ATP6V0A4: variants seen among roughly 807,000 people sequenced by gnomAD.
ATP6V0A4 encodes the protein V-type proton ATPase 116 kDa subunit a 4.
Under a neutral mutation model 107.3 loss-of-function variants are expected in ATP6V0A4, and 86 were observed. The observed-to-expected ratio is 0.80, with a 90% confidence interval of 0.67 to 0.96. The LOEUF (loss-of-function observed/expected upper bound fraction) is 0.96, where lower values mean the gene tolerates loss of function less well. Among genes scored for constraint, ATP6V0A4 ranks in the 40% least tolerant of loss-of-function variants. ATP6V0A4 has a pLI of 0.00. For missense variants in ATP6V0A4, 908 were observed against 1,045.6 expected (o/e 0.87, Z 1.81); for synonymous variants, 353 against 381.4 (o/e 0.93, Z 0.87).
chr7:138,707,066 A>ATCTGTGTGTGTGTGTG (rs1178080469), intron 21 of ATP6V0A4, among the ~76,000 whole-genome samples: 1 of 51,124 alleles, frequency 2.0e-5, no homozygotes, highest in East Asian at 5.4e-4. Context: ...TAGCTAATTT[A>ATCTGTGTGTGTGTGTG]TATGTGTGTG....
Position 138,734,152 on chromosome 7 carries a change from T to C in ATP6V0A4, c.1675A>G (p.Ser559Gly), listed in dbSNP as rs369486474. ...GAAACTTACATGTGATTGAAAAGGC[T>C]GAGGATGACACCGAAAACCATCTGG... ...IVQMVFGVIL[S>G]LFNHIYFRRT... The change falls in exon 16 of 22, where the codon AGC becomes GGC. Residue 559 changes from serine (S) to glycine (G), a missense_variant. By Grantham distance (56) the Ser-to-Gly change is moderately conservative. Coordinates refer to ENST00000310018, the MANE Select transcript of ATP6V0A4 (RefSeq NM_020632.3). 1.2e-6 allele frequency: 2 copies of C among 1,612,842 alleles called. No homozygotes were observed. The highest frequency in any genetic ancestry group is 1.7e-6 in the Non-Finnish European group (2 of 1,178,888).
At chr7:138,723,523 C>CTTTTTTT (rs10528520) in intron 18 of ATP6V0A4, among the ~76,000 whole-genome samples, 67 of 128,238 alleles carry the variant, frequency 5.2e-4, no homozygotes, top group Non-Finnish European at 8.3e-4. Flanking sequence ...TCTTTCTTTT[C>CTTTTTTT]TTTTTTTTTT....
At chr7:138,718,582 G>GGAGGAATGGA (rs1804250420) in intron 19 of ATP6V0A4, among the ~76,000 whole-genome samples, 1 of 71,604 alleles carries the variant, frequency 1.4e-5, no homozygotes, top group Non-Finnish European at 2.6e-5. Flanking sequence ...AGAGGCATGG[G>GGAGGAATGGA]GCGGAATGGG....
intron 2 of ATP6V0A4, among the ~76,000 whole-genome samples, chr7:138,780,864 C>G (rs976017267): frequency 2.6e-5 from 4 of 151,812 alleles, no homozygotes; most frequent in Non-Finnish European, 5.9e-5. Flanking sequence ...GAGATCATGC[C>G]TCTGCACTCC....
chr7:138,762,655 T>A (rs1806882653), intron 6 of ATP6V0A4, among the ~76,000 whole-genome samples: 1 of 152,208 alleles, frequency 6.6e-6, no homozygotes. Context: ...TGCTTGGTTC[T>A]GACTTCTCTT....
chr7:138,781,159 T>G (rs1382085117), intron 2 of ATP6V0A4, among the ~76,000 whole-genome samples: 1 of 152,190 alleles, frequency 6.6e-6, no homozygotes, highest in African/African-American at 2.4e-5. Flanking sequence ...GCTAGAGAGT[T>G]GATATTCCCC....
chr7:138,778,718 C>G (rs532977925), intron 2 of ATP6V0A4, among the ~76,000 whole-genome samples: 1 of 152,240 alleles, frequency 6.6e-6, no homozygotes, highest in South Asian at 2.1e-4. Flanking sequence ...GCCCCCCACC[C>G]CATTGCCAGC....
chr7:138,759,775 C>A lies in ATP6V0A4; in HGVS notation c.616G>T (p.Ala206Ser), dbSNP rs769738882. The A allele has an allele frequency of 2.5e-6, 4 of 1,614,010 alleles. No individual in the cohort carries two copies. The Admixed American group carries it at 5.0e-5, about 20-fold the overall frequency. Residue 206 changes from alanine to serine, a missense_variant, in exon 8 of 22, where the codon GCC becomes TCC. By Grantham distance (99) the Ala-to-Ser change is moderately conservative. Coordinates refer to ENST00000310018, the MANE Select transcript of ATP6V0A4 (RefSeq NM_020632.3). ...ACCGTCACAGGATCCTCCAGAGGGG[C>A]GTCCATCTCACTGAACTTCAAGTAC... ...NVYLKFSEMDAPLEDPVTKEE... is the reference protein window; with the variant it reads ...NVYLKFSEMDSPLEDPVTKEE...
At chr7:138,712,877 A>G (rs1191879997) in intron 20 of ATP6V0A4, among the ~76,000 whole-genome samples, 1 of 152,186 alleles carries the variant, frequency 6.6e-6, no homozygotes, top group Non-Finnish European at 1.5e-5. Context: ...TGCTGGGGTT[A>G]GAGCTGAAGA....
Position 138,755,711 on chromosome 7 carries a change from A to T in ATP6V0A4, c.794T>A (p.Val265Glu). 1.9e-6 allele frequency: 3 copies of T among 1,613,908 alleles called. No homozygotes were observed. The highest frequency in any genetic ancestry group is 2.5e-6 in the Non-Finnish European group (3 of 1,180,024). The change falls in exon 10 of 22, where the codon GTG (valine) becomes GAG (glutamate). Residue 265 changes from valine (V) to glutamate (E), a missense_variant. Val to Glu is a moderately radical substitution (Grantham distance 121). Transcript: ENST00000310018. The stretch of plus-strand genomic sequence containing the variant: ...CACGGTGATTAAATCTTCCAGCCTC[A>T]CATTGACGCTCTCCAACATCTCTCT... ...ERREMLESVN[V>E]RLEDLITVIT...
intron 3 of ATP6V0A4, 101 bp downstream of exon 3, chr7:138,771,030 T>A: frequency 8.5e-7 from 1 of 1,181,102 alleles, no homozygotes; most frequent in South Asian, 1.2e-5. Context: ...ACGGCTCCTC[T>A]CCCTACAAAA....
intron 9 of ATP6V0A4, 92 bp downstream of exon 9, chr7:138,756,366 A>G (rs1806511652): frequency 6.3e-7 from 1 of 1,598,248 alleles, no homozygotes; most frequent in South Asian, 1.1e-5. Flanking sequence ...ACTGACCTCT[A>G]GAAGCCACAG....
At position 138,771,171 on chromosome 7, in the gene ATP6V0A4, A is replaced by G. The variant is rs1444710096; in HGVS notation, c.77T>C (p.Val26Ala). ...FLQVEAAYCC[V>A]AELGELGLVQ... ...CAATCCGAGCTCTCCGAGCTCAGCC[A>G]CACAGCAATATGCAGCTTCCACCTG... Residue 26 changes from valine (V) to alanine (A), a missense_variant, in exon 3 of 22, where the codon GTG (valine) becomes GCG (alanine). By Grantham distance (64) the Val-to-Ala change is moderately conservative (BLOSUM62 0). Transcript: ENST00000310018. 8 of 1,614,086 alleles carry G rather than the reference A, an allele frequency of 5.0e-6. No individual in the cohort carries two copies. Among genetic ancestry groups the G allele is most frequent in the Non-Finnish European group, 6.8e-6 (8 of 1,180,050 alleles).
chr7:138,770,133 C>T (rs1807306118), intron 3 of ATP6V0A4, among the ~76,000 whole-genome samples: 1 of 151,336 alleles, frequency 6.6e-6, no homozygotes, highest in Non-Finnish European at 1.5e-5. Flanking sequence ...TGTCCTTTCA[C>T]TTTCTTAATA....
Position 138,771,166 on chromosome 7 carries a change from C to T in ATP6V0A4, c.82G>A (p.Glu28Lys). ...QVEAAYCCVA[E>K]LGELGLVQFK... is the part of the protein sequence containing the mutation. ...TGAACCAATCCGAGCTCTCCGAGCT[C>T]AGCCACACAGCAATATGCAGCTTCC... Residue 28 changes from glutamate (E) to lysine (K), a missense_variant, in exon 3 of 22, where the codon GAG becomes AAG. Transcript: ENST00000310018. 1 of 1,614,194 alleles carries T rather than the reference C, an allele frequency of 6.2e-7. No homozygotes were observed. Among genetic ancestry groups the T allele is most frequent in the East Asian group, 2.2e-5 (1 of 44,876 alleles).
At chr7:138,748,454 T>G (rs1201915242) in intron 12 of ATP6V0A4, among the ~76,000 whole-genome samples, 1 of 152,214 alleles carries the variant, frequency 6.6e-6, no homozygotes, top group African/African-American at 2.4e-5. Context: ...TCACCAAGGC[T>G]GGAGTGCAGT....
chr7:138,750,117 T>C (rs1259475596), intron 11 of ATP6V0A4, among the ~76,000 whole-genome samples: 1 of 152,198 alleles, frequency 6.6e-6, no homozygotes, highest in African/African-American at 2.4e-5. Context: ...AAATCAAAAC[T>C]CTTTAGTCTT....
chr7:138,793,064 C>T (rs1003771060), intron 1 of ATP6V0A4, among the ~76,000 whole-genome samples: 3 of 152,008 alleles, frequency 2.0e-5, no homozygotes, highest in Non-Finnish European at 2.9e-5. Flanking sequence ...GAGGCTGAGA[C>T]GGGAGTCTCA....
intron 13 of ATP6V0A4, among the ~76,000 whole-genome samples, chr7:138,746,786 G>A (rs982513612): frequency 1.1e-4 from 17 of 152,258 alleles, no homozygotes; most frequent in Admixed American, 9.8e-4. Context: ...TTACAGGTGT[G>A]AGCCACTGTG....
Sources: gnomAD v4.1 joint callset for allele counts (sites outside exome capture counted in the v4.1 genomes callset) on GRCh38, gnomAD v4.1.1 for gene constraint, MANE v1.5 for transcripts, NCBI Gene and HGNC (gene_info 2026-07-23, HGNC 2026-07-21) for gene names.